GLB1: variants seen among roughly 807,000 people sequenced by gnomAD.
The protein encoded by GLB1 is galactosidase beta 1.
In GLB1, 56 loss-of-function variants were observed where a neutral mutation model predicts 74.0. The observed-to-expected ratio is 0.76, with a 90% confidence interval of 0.61 to 0.94. The LOEUF is 0.94. Ranked by LOEUF, GLB1 falls within the 40% of genes least tolerant of loss-of-function variation. The probability of loss-of-function intolerance (pLI) is 0.00; values close to 1 mark genes in which losing one functional copy is unlikely to be tolerated. For missense variants in GLB1, 787 were observed against 845.5 expected (o/e 0.93, Z 0.86); for synonymous variants, 323 against 323.6 (o/e 1.00, Z 0.02).
chr3:32,975,835 T>C, the GLB1 span, among the ~76,000 whole-genome samples: 1 of 152,150 alleles, frequency 6.6e-6, no homozygotes, highest in Non-Finnish European at 1.5e-5. Flanking sequence ...TGGAGGAGAA[T>C]AAAGTAACAC....
intron 2 of GLB1, among the ~76,000 whole-genome samples, chr3:33,069,218 C>T (rs562481229): frequency 3.3e-5 from 5 of 151,954 alleles, no homozygotes; most frequent in Admixed American, 6.6e-5. Flanking sequence ...GGTGAAACCC[C>T]GTCTCTACAA....
chr3:33,072,785 G>A, intron 1 of GLB1, 72 bp from the exon 2 acceptor site: 1 of 1,590,548 alleles, frequency 6.3e-7, no homozygotes, highest in Non-Finnish European at 8.6e-7. Context: ...TTTGAGAGTA[G>A]CAAGTGACTC....
At chr3:33,081,126 A>G (rs530822870) in intron 1 of GLB1, among the ~76,000 whole-genome samples, 1 of 152,296 alleles carries the variant, frequency 6.6e-6, no homozygotes, top group South Asian at 2.1e-4. Flanking sequence ...GGAAGCTTTG[A>G]AGACAGTGAC....
intron 1 of GLB1, among the ~76,000 whole-genome samples, chr3:33,086,142 A>G (rs1476855395): frequency 6.6e-6 from 1 of 152,208 alleles, no homozygotes; most frequent in Non-Finnish European, 1.5e-5. Flanking sequence ...TTTGAGTATT[A>G]AAAGATGTAA....
chr3:32,983,519 T>C, the GLB1 span, among the ~76,000 whole-genome samples: 7 of 152,348 alleles, frequency 4.6e-5, no homozygotes, highest in African/African-American at 1.7e-4. Flanking sequence ...GGTTGTTTTA[T>C]TTAAGTATTG....
At chr3:33,058,968 G>C (rs946941499) in intron 5 of GLB1, among the ~76,000 whole-genome samples, 16 of 152,118 alleles carry the variant, frequency 1.1e-4, no homozygotes, top group South Asian at 2.1e-4. Context: ...CCCCACAGGG[G>C]ACATGTGGCT....
chr3:33,090,332 A>C (rs1354085173), intron 1 of GLB1: 2 of 928,172 alleles, frequency 2.2e-6, no homozygotes, highest in Non-Finnish European at 1.3e-6. Flanking sequence ...TGGTCTCGTC[A>C]TGCTTGTTAA....
chr3:32,963,299 T>A, the GLB1 span, among the ~76,000 whole-genome samples: 2 of 152,016 alleles, frequency 1.3e-5, no homozygotes, highest in Non-Finnish European at 2.9e-5. Context: ...AGAAAAAAAA[T>A]ATTTAAATGT....
At chr3:33,013,968 T>A in intron 15 of GLB1, 88 bp downstream of exon 15, 2 of 1,606,486 alleles carry the variant, frequency 1.2e-6, no homozygotes, top group Non-Finnish European at 1.7e-6. Flanking sequence ...ACACGATATC[T>A]CACTAACAGC....
At chr3:33,011,723 A>C (rs1352575233) in intron 15 of GLB1, among the ~76,000 whole-genome samples, 1 of 152,128 alleles carries the variant, frequency 6.6e-6, no homozygotes, top group Admixed American at 6.5e-5. Flanking sequence ...CACATAAATA[A>C]ATAAAAGGGC....
chr3:32,967,960 C>T, the GLB1 span, among the ~76,000 whole-genome samples: 1 of 152,126 alleles, frequency 6.6e-6, no homozygotes, highest in Admixed American at 6.5e-5. Context: ...CAAAGGGGAG[C>T]TTGATCACCT....
At chr3:33,085,418 T>C (rs1575490568) in intron 1 of GLB1, among the ~76,000 whole-genome samples, 1 of 151,938 alleles carries the variant, frequency 6.6e-6, no homozygotes, top group Admixed American at 6.6e-5. Flanking sequence ...CTAAAAAATA[T>C]AGTCCATTAA....
In GLB1 at chr3:33,077,683, C is replaced by CTT. The variant is rs34139339; in HGVS notation, c.76-4972_76-4971dup. Among the ~76,000 whole-genome samples, 507 of 147,198 alleles carry CTT rather than the reference C, an allele frequency of 3.4e-3. 6 individuals are homozygous for CTT. In the South Asian group the frequency reaches 0.04, roughly 12 times the overall value. On this transcript the variant is annotated intron_variant, in intron 1 of 15. Coordinates refer to ENST00000307363, the MANE Select transcript of GLB1 (RefSeq NM_000404.4). Reference sequence around the variant, plus strand: ...CTGGTAAATGTGCACAAGTATATTACTTTTTTTTTTTTAACTAAACAGCCA... The same window carrying CTT: ...CTGGTAAATGTGCACAAGTATATTACTTTTTTTTTTTTTTAACTAAACAGCCA...
chr3:33,005,790 C>T lies in GLB1; in HGVS notation c.1734+8266G>A, dbSNP rs547394166. Among the ~76,000 whole-genome samples the T allele has an allele frequency of 1.1e-4, 17 of 152,256 alleles. No homozygotes were observed. The East Asian group carries it at 1.4e-3, about 12-fold the overall frequency. ...GGATTACAGGTGTGAGCCATCGCGT[C>T]GGCCAGGAAATTTCAAAAGCAAGAT... On this transcript the variant is annotated intron_variant, in intron 15 of 15. Coordinates refer to ENST00000307363, the MANE Select transcript of GLB1 (RefSeq NM_000404.4).
At chr3:33,039,381 A>C (rs2125502856) in intron 10 of GLB1, among the ~76,000 whole-genome samples, 1 of 152,074 alleles carries the variant, frequency 6.6e-6, no homozygotes, top group East Asian at 1.9e-4. Context: ...GCTTAAAATT[A>C]TGCCAATAGA....
chr3:32,968,268 A>G, the GLB1 span, among the ~76,000 whole-genome samples: 1 of 152,186 alleles, frequency 6.6e-6, no homozygotes, highest in Non-Finnish European at 1.5e-5. Flanking sequence ...AAGGCCAGAG[A>G]CAGATTAATG....
chr3:33,078,461 AT>A (rs1700208424), intron 1 of GLB1, among the ~76,000 whole-genome samples: 1 of 152,214 alleles, frequency 6.6e-6, no homozygotes, highest in Non-Finnish European at 1.5e-5. Context: ...CTCTCATGTT[AT>A]GATTTAACAC....
intron 14 of GLB1, among the ~76,000 whole-genome samples, chr3:33,016,005 A>C (rs13314478): frequency 0.016 from 2,452 of 152,284 alleles, 67 homozygotes; most frequent in East Asian, 0.077. Context: ...TGCTCTAAAA[A>C]TATGTGTTAG....
intron 1 of GLB1, chr3:33,092,715 A>G: frequency 6.8e-7 from 1 of 1,474,354 alleles, no homozygotes; most frequent in Non-Finnish European, 9.0e-7. Context: ...CTTGTGACCA[A>G]GGGTGTGTAG....
Sources: allele counts gnomAD v4.1 joint callset (sites outside exome capture counted in the v4.1 genomes callset), GRCh38; gene constraint gnomAD v4.1.1; transcripts MANE v1.5; gene names NCBI Gene and HGNC (gene_info 2026-07-23, HGNC 2026-07-21).